The following SETD1A variants were observed in gnomAD, a reference collection of about 807,000 sequenced individuals.
SETD1A encodes the protein SET domain containing 1A, histone lysine methyltransferase.
SETD1A carries 29 observed loss-of-function variants against 149.9 expected under a neutral mutation model. The observed-to-expected ratio is 0.19, with a 90% CI of 0.14 to 0.26. The LOEUF is 0.26. SETD1A is among the 10% of genes least tolerant of loss of function. The pLI, the probability that SETD1A is intolerant of heterozygous loss-of-function variation, is 1.00. For missense variants in SETD1A, 2,109 were observed against 2,353.1 expected (o/e 0.90, Z 2.15); for synonymous variants, 1,141 against 968.5 (o/e 1.18, Z -3.31).
In SETD1A at chr16:30,963,510, G is replaced by T; in HGVS notation, c.595G>T (p.Ala199Ser). ...TPQTVPTGGK[A>S]LSEKFQGSGA... ...TCAGACTGTGCCCACTGGGGGCAAG[G>T]CCCTGAGTGAGAAGTTCCAAGGCTC... Residue 199 changes from alanine to serine, a missense_variant, in exon 5 of 19, where the codon GCC becomes TCC. Coordinates refer to ENST00000262519, the MANE Select transcript of SETD1A (RefSeq NM_014712.3). 6.2e-7 allele frequency: 1 copy of T among 1,613,634 alleles called. No individual in the cohort carries two copies. The highest frequency in any genetic ancestry group is 8.5e-7 in the Non-Finnish European group (1 of 1,179,718).
At chr16:30,977,872 C>T (rs1023900114) in intron 13 of SETD1A, among the ~76,000 whole-genome samples, 2 of 152,194 alleles carry the variant, frequency 1.3e-5, no homozygotes, top group East Asian at 1.9e-4. Flanking sequence ...CCAGTGAGTC[C>T]GTGGGCTGCA....
At chr16:30,973,055 C>G (rs867461649) in intron 13 of SETD1A, among the ~76,000 whole-genome samples, 2 of 152,226 alleles carry the variant, frequency 1.3e-5, no homozygotes, top group Middle Eastern at 3.4e-3. Context: ...GCAGGGGAAG[C>G]AGCGGGTTGG....
chr16:30,969,625 T>C lies in SETD1A; in HGVS notation c.2952T>C (p.Asp984=), dbSNP rs780237688. The C allele has an allele frequency of 4.3e-6, 7 of 1,613,926 alleles. No individual in the cohort carries two copies. Among genetic ancestry groups the C allele is most frequent in the Non-Finnish European group, 5.9e-6 (7 of 1,179,910 alleles). Residue 984 remains aspartate, a synonymous_variant, in exon 12 of 19, where the codon GAT becomes GAC. Transcript: ENST00000262519. The stretch of plus-strand genomic sequence containing the variant: ...AGGATGAGGAGGATGACGAGGAAGA[T>C]GAGGAAGATGAAGATCGAGAGGAAG... The part of the protein sequence containing the change: ...SEKDEEDDEE[D]EEDEDREEAV...
intron 13 of SETD1A, 98 bp from the exon 14 acceptor site, chr16:30,979,047 A>C: frequency 8.0e-7 from 1 of 1,256,470 alleles, no homozygotes; most frequent in East Asian, 2.6e-5. Flanking sequence ...TCCTGGGCGG[A>C]AGTGGGGGAG....
chr16:30,959,249 A>C (rs1474715233), intron 3 of SETD1A, 63 bp downstream of exon 3: 2 of 1,043,004 alleles, frequency 1.9e-6, no homozygotes, highest in Non-Finnish European at 1.5e-6. Flanking sequence ...GCGTCTTGGC[A>C]CTATAGCTGA....
chr16:30,960,400 C>T (rs2056034126), intron 3 of SETD1A, among the ~76,000 whole-genome samples: 1 of 152,206 alleles, frequency 6.6e-6, no homozygotes, highest in Non-Finnish European at 1.5e-5. Flanking sequence ...TTCCAGGGGT[C>T]CTTGTCATTT....
At chr16:30,975,985 A>T (rs1315319102) in intron 13 of SETD1A, among the ~76,000 whole-genome samples, 1 of 151,982 alleles carries the variant, frequency 6.6e-6, no homozygotes, top group Non-Finnish European at 1.5e-5. Context: ...TAGCTTCCAG[A>T]TCTGATGCAG....
chr16:30,978,569 C>T (rs1393457043), intron 13 of SETD1A, among the ~76,000 whole-genome samples: 2 of 152,226 alleles, frequency 1.3e-5, no homozygotes, highest in Non-Finnish European at 2.9e-5. Context: ...CCTGCCCCTC[C>T]CTGCAGGGCA....
chr16:30,958,718 G>A lies in SETD1A; in HGVS notation c.-14G>A, dbSNP rs753250847. 1.4e-5 allele frequency: 23 copies of A among 1,613,860 alleles called. No homozygotes were observed. Among genetic ancestry groups the A allele is most frequent in the Admixed American group, 5.0e-5 (3 of 60,006 alleles). On this transcript the variant is annotated splice_region_variant and 5_prime_UTR_variant, in exon 2 of 19. Transcript: ENST00000262519. ...TGCGTGTCCCTCTTCCCCTAACAGT[G>A]TAAATGAGCAAAGATGGATCAGGAA...
At chr16:30,971,862 C>T (rs920232781) in intron 13 of SETD1A, 143 bp downstream of exon 13, 13 of 1,127,628 alleles carry the variant, frequency 1.2e-5, no homozygotes, top group South Asian at 1.9e-5. Context: ...CTGTCACTAC[C>T]TTCTAGAGAC....
In SETD1A at chr16:30,983,191, G is replaced by A. The variant is rs537628077; in HGVS notation, c.4813-444G>A. Among the ~76,000 whole-genome samples the A allele has an allele frequency of 5.9e-5, 9 of 152,288 alleles. No individual in the cohort carries two copies. In the East Asian group the frequency reaches 1.7e-3, roughly 29 times the overall value. ...GGAGGTGCGGGGCCTGACATGGGCG[G>A]CCTGCCATTTGCATTAGCCGGTGGC... On this transcript the variant is annotated intron_variant, in intron 17 of 18. Coordinates refer to ENST00000262519, the MANE Select transcript of SETD1A (RefSeq NM_014712.3). This position sits in a 1 kb window ranked among gnomAD's most constrained non-coding sequence, Gnocchi z 6.8.
intron 17 of SETD1A, among the ~76,000 whole-genome samples, chr16:30,981,953 G>GA (rs1567365845): frequency 6.6e-6 from 1 of 151,752 alleles, no homozygotes; most frequent in South Asian, 2.1e-4. Context: ...CGTGTCTCTA[G>GA]AAAAAACAAA....
chr16:30,981,807 C>T (rs1046687945), intron 17 of SETD1A, among the ~76,000 whole-genome samples: 1 of 151,902 alleles, frequency 6.6e-6, no homozygotes, highest in East Asian at 1.9e-4. Flanking sequence ...AAAAGCTAGC[C>T]GGGCGTGGGG....
In SETD1A at chr16:30,983,495, C is replaced by T; in HGVS notation, c.4813-140C>T. 1.0e-6 allele frequency: 1 copy of T among 968,984 alleles called. No homozygotes were observed. Among genetic ancestry groups the T allele is most frequent in the Non-Finnish European group, 1.5e-6 (1 of 647,136 alleles). 60.0% of individuals were successfully genotyped at this position (968,984 alleles called of 1,614,324 possible). A position where few individuals can be genotyped will look rare whatever the true frequency, so the allele number is the denominator to read the frequency against. On this transcript the variant is annotated intron_variant, in intron 17 of 18. Transcript: ENST00000262519. This position sits in a 1 kb window ranked among gnomAD's most constrained non-coding sequence, Gnocchi z 6.8. ...CTCCTGGAAGCAGAGTCGAGAGAGT[C>T]AGTGCCGGGTTAGCGGGAGCTGGAG...
chr16:30,958,825 C>T lies in SETD1A; in HGVS notation c.94C>T (p.Leu32=), dbSNP rs147259631. 6.8e-6 allele frequency: 11 copies of T among 1,614,222 alleles called. No individual in the cohort carries two copies. In the South Asian group the frequency reaches 8.8e-5, roughly 13 times the overall value. Residue 32 remains leucine, a synonymous_variant, in exon 2 of 19, where the codon CTG becomes TTG. Transcript: ENST00000262519. ...CGTGGATCCTGCCTTGGACCCTGCC[C>T]TGCGCAGGCCTTCTCAGAAGGTGTA... ...LIVDPALDPA[L]RRPSQKVYRY...
Position 30,961,727 on chromosome 16 carries a change from G to A in SETD1A, c.517+190G>A, listed in dbSNP as rs1365517622. On this transcript the variant is annotated intron_variant, in intron 4 of 18. Transcript: ENST00000262519. This position sits in a 1 kb window ranked among gnomAD's most constrained non-coding sequence, Gnocchi z 4.0. ...GATTTTTGTGTGTGTGGTGTCTCCA[G>A]CAAGGTCGGGCAATAGGCCATAATC... is the stretch of plus-strand genomic sequence containing the variant. Among the ~76,000 whole-genome samples, 1 of 151,618 alleles carries A rather than the reference G, an allele frequency of 6.6e-6. No homozygotes were observed. The highest frequency in any genetic ancestry group is 1.5e-5 in the Non-Finnish European group (1 of 67,968).
chr16:30,964,094 G>T lies in SETD1A; in HGVS notation c.640G>T (p.Ala214Ser). The change falls in exon 6 of 19, where the codon GCC becomes TCC. Residue 214 changes from alanine (A) to serine (S), a missense_variant and splice_region_variant. Physicochemically the swap from Ala to Ser is moderately conservative, Grantham distance 99 (BLOSUM62 1). Transcript: ENST00000262519. Reference sequence around the variant, plus strand: ...TCCTTGCCCTGCTCTGTCGCTCTAGGCCGAATCCCGCCGCCGCTCTTCCTC... The same window carrying T: ...TCCTTGCCCTGCTCTGTCGCTCTAGTCCGAATCCCGCCGCCGCTCTTCCTC... Reference protein sequence around the residue: ...FQGSGAATETAESRRRSSSDT... With the variant: ...FQGSGAATETSESRRRSSSDT... 6.2e-7 allele frequency: 1 copy of T among 1,611,404 alleles called. No individual in the cohort carries two copies. The highest frequency in any genetic ancestry group is 2.2e-5 in the East Asian group (1 of 44,840).
intron 13 of SETD1A, among the ~76,000 whole-genome samples, chr16:30,978,827 G>A (rs976241653): frequency 2.6e-5 from 4 of 152,190 alleles, no homozygotes; most frequent in African/African-American, 7.2e-5. Context: ...GAGTGGTGCC[G>A]CCCTTCTCAG....
In SETD1A at chr16:30,983,391, T is replaced by C. The variant is rs979951985; in HGVS notation, c.4813-244T>C. ...AGGAGTCAGTGGCTCTCTTACCCAG[T>C]GCAGATTTCCCTGGAGTTCCCTGCG... is the stretch of plus-strand genomic sequence containing the variant. On this transcript the variant is annotated intron_variant, in intron 17 of 18. Transcript: ENST00000262519. This position sits in a 1 kb window ranked among gnomAD's most constrained non-coding sequence, Gnocchi z 6.8. Among the ~76,000 whole-genome samples the C allele has an allele frequency of 3.9e-5, 6 of 152,192 alleles. No individual in the cohort carries two copies. Among genetic ancestry groups the C allele is most frequent in the Admixed American group, 6.5e-5 (1 of 15,284 alleles).
Sources: gnomAD v4.1 joint callset for allele counts (sites outside exome capture counted in the v4.1 genomes callset) on GRCh38, gnomAD v4.1.1 for gene constraint, Gnocchi (gnomAD v3.1) non-coding constraint, MANE v1.5 for transcripts, NCBI Gene and HGNC (gene_info 2026-07-23, HGNC 2026-07-21) for gene names.